Variants in GPC6 observed in about 807,000 individuals in gnomAD.
The protein encoded by GPC6 is glypican 6.
Under a neutral mutation model 55.2 loss-of-function variants are expected in GPC6, and 14 were observed. That is an observed-to-expected ratio of 0.25 (90% CI 0.17 to 0.40). The LOEUF (loss-of-function observed/expected upper bound fraction) is 0.40, where lower values mean the gene tolerates loss of function less well. GPC6 is among the 10% of genes least tolerant of loss of function. The pLI is 1.00. For missense variants in GPC6, 641 were observed against 708.5 expected, an observed-to-expected ratio of 0.90 and a Z score of 1.08; for synonymous variants, 278 against 259.6, an observed-to-expected ratio of 1.07 and a Z score of -0.68.
intron 4 of GPC6, among the ~76,000 whole-genome samples, chr13:94,054,022 C>T (rs2138757696): frequency 6.6e-6 from 1 of 152,128 alleles, no homozygotes; most frequent in South Asian, 2.1e-4. Flanking sequence ...GGAATATGAA[C>T]ACTCTGCTAA....
At chr13:93,688,099 A>T (rs1246723236) in intron 2 of GPC6, among the ~76,000 whole-genome samples, 1 of 152,100 alleles carries the variant, frequency 6.6e-6, no homozygotes, top group African/African-American at 2.4e-5. Context: ...CATTCTTTAG[A>T]AGCCATTATT....
chr13:94,325,136 G>T (rs1877047296), intron 6 of GPC6, among the ~76,000 whole-genome samples: 1 of 152,062 alleles, frequency 6.6e-6, no homozygotes, highest in Non-Finnish European at 1.5e-5. Context: ...AAAGAAAAGG[G>T]AAGGAAGGGA....
At chr13:94,137,745 TG>T (rs1308590632) in intron 4 of GPC6, among the ~76,000 whole-genome samples, 11 of 152,314 alleles carry the variant, frequency 7.2e-5, no homozygotes, top group Admixed American at 6.5e-5. Context: ...ATGGCTACTT[TG>T]GCAAATGAGC....
At chr13:94,271,006 C>A (rs1218788889) in intron 4 of GPC6, among the ~76,000 whole-genome samples, 2 of 74,018 alleles carry the variant, frequency 2.7e-5, no homozygotes. Flanking sequence ...TTTTTTTTTT[C>A]TGAGACGGAG....
At chr13:93,783,158 T>C (rs547056603) in intron 2 of GPC6, among the ~76,000 whole-genome samples, 12 of 152,350 alleles carry the variant, frequency 7.9e-5, no homozygotes, top group Admixed American at 1.3e-4. Flanking sequence ...TCTTGTTCCT[T>C]TTTATGGCTG....
At chr13:93,933,820 A>G (rs912257639) in intron 3 of GPC6, among the ~76,000 whole-genome samples, 2 of 152,214 alleles carry the variant, frequency 1.3e-5, no homozygotes, top group African/African-American at 2.4e-5. Flanking sequence ...TTTACCAACT[A>G]TTGTTTAGAA....
At chr13:93,876,189 T>C (rs934412914) in intron 3 of GPC6, among the ~76,000 whole-genome samples, 20 of 100,928 alleles carry the variant, frequency 2.0e-4, no homozygotes, top group African/African-American at 5.3e-4. Context: ...TTGCTTCATA[T>C]AATAAATGCT....
chr13:94,223,160 G>A (rs1475002382), intron 4 of GPC6, among the ~76,000 whole-genome samples: 3 of 152,068 alleles, frequency 2.0e-5, no homozygotes, highest in Admixed American at 1.3e-4. Context: ...AAGAAGAAGT[G>A]TATATGTTTG....
At chr13:93,949,144 C>A (rs192650541) in intron 3 of GPC6, among the ~76,000 whole-genome samples, 1 of 152,158 alleles carries the variant, frequency 6.6e-6, no homozygotes, top group African/African-American at 2.4e-5. Context: ...AAATTTAACA[C>A]CTCCAAATTA....
At chr13:93,779,823 A>G (rs1451569381) in intron 2 of GPC6, among the ~76,000 whole-genome samples, 3 of 152,124 alleles carry the variant, frequency 2.0e-5, no homozygotes, top group African/African-American at 7.2e-5. Context: ...ACCCCAGGTC[A>G]TCTGGTGAAT....
At chr13:94,258,260 C>T (rs61962160) in intron 4 of GPC6, among the ~76,000 whole-genome samples, 18,377 of 152,138 alleles carry the variant, frequency 0.12, 1,218 homozygotes, top group Middle Eastern at 0.16. Flanking sequence ...TTTCTGACCA[C>T]GGAACAACTC....
intron 1 of GPC6, among the ~76,000 whole-genome samples, chr13:93,523,371 GTATA>G (rs1030707148): frequency 7.3e-6 from 1 of 137,702 alleles, no homozygotes; most frequent in African/African-American, 2.7e-5. Flanking sequence ...ATATATGTGT[GTATA>G]TGTATGTATG....
intron 1 of GPC6, among the ~76,000 whole-genome samples, chr13:93,302,300 TA>T (rs1878709101): frequency 6.6e-6 from 1 of 152,212 alleles, no homozygotes; most frequent in Admixed American, 6.5e-5. Flanking sequence ...TTTGCACTGG[TA>T]AATGATGAAA....
chr13:93,285,616 C>CTGTG (rs754671051), intron 1 of GPC6, among the ~76,000 whole-genome samples: 2,230 of 103,554 alleles, frequency 0.022, 18 homozygotes, highest in African/African-American at 0.024. Flanking sequence ...GTATATACTG[C>CTGTG]TGTGTGTGTG....
chr13:94,141,113 T>G (rs963588264), intron 4 of GPC6, among the ~76,000 whole-genome samples: 1 of 152,004 alleles, frequency 6.6e-6, no homozygotes, highest in African/African-American at 2.4e-5. Flanking sequence ...GTCACCAATG[T>G]GGGTGAGTTA....
intron 2 of GPC6, among the ~76,000 whole-genome samples, chr13:93,669,682 A>G (rs1881280804): frequency 1.3e-5 from 2 of 152,188 alleles, no homozygotes; most frequent in Admixed American, 6.6e-5. Flanking sequence ...AGTGAAAACA[A>G]TGAAACAATG....
At chr13:94,344,113 C>T (rs911042246) in intron 6 of GPC6, among the ~76,000 whole-genome samples, 28 of 152,158 alleles carry the variant, frequency 1.8e-4, no homozygotes, top group Admixed American at 1.1e-3. Context: ...TGTTTATTGA[C>T]GGTGTTCTCA....
chr13:93,267,065 G>A (rs568002350), intron 1 of GPC6, among the ~76,000 whole-genome samples: 1 of 152,136 alleles, frequency 6.6e-6, no homozygotes, highest in African/African-American at 2.4e-5. Context: ...AATTAAGCAG[G>A]AGTAATGATA....
chr13:93,657,832 AC>A (rs1880748665), intron 2 of GPC6, among the ~76,000 whole-genome samples: 2 of 151,972 alleles, frequency 1.3e-5, no homozygotes, highest in African/African-American at 4.8e-5. Flanking sequence ...CATACACACA[AC>A]CAACAAGCAT....
Sources: allele counts gnomAD v4.1 joint callset (sites outside exome capture counted in the v4.1 genomes callset), GRCh38; gene constraint gnomAD v4.1.1; transcripts MANE v1.5; gene names NCBI Gene and HGNC (gene_info 2026-07-23, HGNC 2026-07-21).